The following SAMSN1 variants were observed in gnomAD, a reference collection of about 807,000 sequenced individuals.
The protein encoded by SAMSN1 is SAM domain, SH3 domain and nuclear localization signals 1, also known as SAM domain-containing protein SAMSN-1.
In SAMSN1, 31 loss-of-function variants were observed where a neutral mutation model predicts 42.0. The ratio of observed to expected loss-of-function variants is 0.74; its 90% CI spans 0.55 to 1.00. SAMSN1 has a LOEUF of 1.00. Among genes scored for constraint, SAMSN1 ranks in the 50% least tolerant of loss-of-function variants. SAMSN1 has a pLI of 0.00. For missense variants in SAMSN1, 464 were observed against 439.4 expected (o/e 1.06, Z -0.50); for synonymous variants, 178 against 151.9 (o/e 1.17, Z -1.26).
chr21:14,540,675 A>G (rs1298628032), intron 1 of SAMSN1, among the ~76,000 whole-genome samples: 1 of 152,232 alleles, frequency 6.6e-6, no homozygotes, highest in Admixed American at 6.5e-5. Flanking sequence ...ACACATTTAC[A>G]CTGTTGGTGG....
intron 4 of SAMSN1, chr21:14,612,800 T>C (rs1271452610): frequency 3.0e-6 from 2 of 674,300 alleles, no homozygotes; most frequent in African/African-American, 1.8e-5. Flanking sequence ...TGTTGCTTTG[T>C]GGCAGGAGCA....
rs747386381 is a variant in SAMSN1, at chr21:14,500,620, T to C, written c.677A>G (p.Glu226Gly). ...TGCCTTTATTTTCTTGGGGGCTGCT[T>C]CCTCTTCTGAGATGACATCCACATA... ...FIYVDVISEE[E>G]AAPKKIKANR... The change falls in exon 6 of 8, where the codon GAA (glutamate) becomes GGA (glycine). Residue 226 changes from glutamate (E) to glycine (G), a missense_variant. Transcript: ENST00000400566. 3.7e-6 allele frequency: 6 copies of C among 1,614,156 alleles called. No homozygotes were observed. In the South Asian group the frequency reaches 6.6e-5, roughly 18 times the overall value.
intron 2 of SAMSN1, among the ~76,000 whole-genome samples, chr21:14,553,985 T>A (rs181587184): frequency 6.6e-6 from 1 of 152,166 alleles, no homozygotes; most frequent in Non-Finnish European, 1.5e-5. Context: ...TAGTCCAATG[T>A]TGAACATACT....
chr21:14,624,822 CA>C (rs1280222835), intron 2 of SAMSN1, among the ~76,000 whole-genome samples: 2 of 151,908 alleles, frequency 1.3e-5, no homozygotes, highest in Admixed American at 6.6e-5. Context: ...GAGACACAAC[CA>C]AAAAAGAGAA....
chr21:14,507,806 A>G (rs1031085673), intron 5 of SAMSN1, among the ~76,000 whole-genome samples: 2 of 151,794 alleles, frequency 1.3e-5, no homozygotes, highest in Admixed American at 6.6e-5. Context: ...ACTATACTAT[A>G]GGCTATAGTC....
At chr21:14,487,288 G>C (rs947927848) in intron 7 of SAMSN1, among the ~76,000 whole-genome samples, 12 of 151,756 alleles carry the variant, frequency 7.9e-5, no homozygotes, top group Non-Finnish European at 1.6e-4. Context: ...TCTTCAATAG[G>C]CTATTATAAT....
intron 4 of SAMSN1, among the ~76,000 whole-genome samples, chr21:14,611,305 G>A (rs750254695): frequency 3.9e-5 from 6 of 152,246 alleles, no homozygotes; most frequent in Middle Eastern, 3.4e-3. Flanking sequence ...TCTAAAGCAG[G>A]GCCTGGACAT....
At chr21:14,496,868 T>C (rs1316412652) in intron 7 of SAMSN1, among the ~76,000 whole-genome samples, 1 of 152,130 alleles carries the variant, frequency 6.6e-6, no homozygotes, top group East Asian at 1.9e-4. Flanking sequence ...AAGAATAAAG[T>C]AAAAACCAGT....
chr21:14,600,119 CT>C (rs1352544976), intron 6 of SAMSN1, among the ~76,000 whole-genome samples: 1 of 152,106 alleles, frequency 6.6e-6, no homozygotes, highest in African/African-American at 2.4e-5. Flanking sequence ...AAACACTTAT[CT>C]GATAGTCATT....
chr21:14,580,648 T>C (rs1981674930), intron 2 of SAMSN1, among the ~76,000 whole-genome samples: 1 of 152,264 alleles, frequency 6.6e-6, no homozygotes, highest in Non-Finnish European at 1.5e-5. Flanking sequence ...TGTTATCAGA[T>C]ACCTGTTATA....
At position 14,544,044 on chromosome 21, in the gene SAMSN1, C is replaced by G. The variant is rs78047314; in HGVS notation, c.57+2161G>C. ...TTTGTAGGGATTATCACAGCATCCA[C>G]CTCTGCCAATTTTTTTTCTTTTTGA... On this transcript the variant is annotated intron_variant, in intron 1 of 7. Transcript: ENST00000400566. Among the ~76,000 whole-genome samples the G allele has an allele frequency of 2.1e-3, 319 of 152,242 alleles. 1 individual carries two copies. The highest frequency in any genetic ancestry group is 7.3e-3 in the African/African-American group (305 of 41,564).
At chr21:14,549,427 C>T (rs546745988), upstream of SAMSN1, among the ~76,000 whole-genome samples, 295 of 152,252 alleles carry the variant, frequency 1.9e-3, 1 homozygote, top group Non-Finnish European at 2.8e-3. Context: ...AGTAGATTCT[C>T]TGCATTGCTC....
intron 1 of SAMSN1, among the ~76,000 whole-genome samples, chr21:14,657,709 T>G (rs2123404841): frequency 6.6e-6 from 1 of 151,968 alleles, no homozygotes. Flanking sequence ...TGCCATCAGA[T>G]TTATACGGCA....
chr21:14,624,341 G>GT (rs1474843135), intron 2 of SAMSN1, among the ~76,000 whole-genome samples: 4 of 152,088 alleles, frequency 2.6e-5, no homozygotes, highest in Admixed American at 6.6e-5. Context: ...TGCAGGAGCT[G>GT]TTTTTTTGAA....
chr21:14,592,368 T>A (rs1568823060), intron 7 of SAMSN1: 1 of 152,654 alleles, frequency 6.6e-6, no homozygotes, highest in African/African-American at 2.4e-5. Flanking sequence ...AAAACATTTT[T>A]ATCTAATATT....
chr21:14,574,890 TA>T (rs1215935380), intron 2 of SAMSN1, among the ~76,000 whole-genome samples: 2 of 152,156 alleles, frequency 1.3e-5, no homozygotes, highest in African/African-American at 2.4e-5. Flanking sequence ...CTTTATCTAA[TA>T]AAAAATGTGT....
At chr21:14,608,631 C>G (rs966212182) in intron 5 of SAMSN1, among the ~76,000 whole-genome samples, 21 of 152,092 alleles carry the variant, frequency 1.4e-4, no homozygotes, top group African/African-American at 5.1e-4. Context: ...ACCCCTTTCC[C>G]AATCCCAGGC....
chr21:14,513,667 T>A (rs1360161202), intron 3 of SAMSN1, among the ~76,000 whole-genome samples: 2 of 152,144 alleles, frequency 1.3e-5, no homozygotes, highest in African/African-American at 4.8e-5. Context: ...GTTGGCTGAT[T>A]TAAATGGAGT....
At chr21:14,638,731 T>C (rs1053764562) in intron 2 of SAMSN1, among the ~76,000 whole-genome samples, 2 of 152,174 alleles carry the variant, frequency 1.3e-5, no homozygotes, top group Non-Finnish European at 2.9e-5. Context: ...TTTTCCACAG[T>C]TGAATTTGGC....
Sources: allele counts gnomAD v4.1 joint callset (sites outside exome capture counted in the v4.1 genomes callset), GRCh38; gene constraint gnomAD v4.1.1; transcripts MANE v1.5; gene names NCBI Gene and HGNC (gene_info 2026-07-23, HGNC 2026-07-21).